ZFAND1: variants seen among roughly 807,000 people sequenced by gnomAD.
ZFAND1 encodes AN1-type zinc finger protein 1.
In ZFAND1, 40 loss-of-function variants were observed where a neutral mutation model predicts 38.5. The ratio of observed to expected loss-of-function variants is 1.04; its 90% CI spans 0.81 to 1.35. ZFAND1 has a LOEUF of 1.35. Among genes scored for constraint, ZFAND1 ranks in the 40% most tolerant of loss-of-function variants. ZFAND1 has a pLI of 0.00. For synonymous variants in ZFAND1, 117 were observed against 103.6 expected, an observed-to-expected ratio of 1.13 and a Z score of -0.78; for missense variants, 346 against 316.3, an observed-to-expected ratio of 1.09 and a Z score of -0.71.
intron 6 of ZFAND1, chr8:81,708,641 A>C (rs1160975705): frequency 1.8e-6 from 1 of 540,850 alleles, no homozygotes; most frequent in Admixed American, 6.3e-5. Context: ...AAATTAAAGC[A>C]ATTATGAAAT....
At position 81,714,995 on chromosome 8, in the gene ZFAND1, A is replaced by ATC; in HGVS notation, c.257_258insGA (p.Phe86LeufsTer4). ...CCTAAGTGATCAATCACCTCAGGCA[A>ATC]AAATTCTTCTCACAATAAGGACATA... On this transcript the variant is annotated frameshift_variant, in exon 4 of 8. Transcript: ENST00000220669. LOFTEE classifies it high-confidence loss of function. The ATC allele has an allele frequency of 6.2e-7, 1 of 1,614,084 alleles. No individual in the cohort carries two copies. Among genetic ancestry groups the ATC allele is most frequent in the Non-Finnish European group, 8.5e-7 (1 of 1,179,910 alleles).
chr8:81,719,155 G>A (rs1274465414), intron 1 of ZFAND1, among the ~76,000 whole-genome samples: 1 of 151,990 alleles, frequency 6.6e-6, no homozygotes, highest in Admixed American at 6.6e-5. Context: ...AACTTCTTTT[G>A]AGTATACTCA....
intron 6 of ZFAND1, among the ~76,000 whole-genome samples, chr8:81,713,091 A>T (rs546386486): frequency 6.6e-6 from 1 of 150,550 alleles, no homozygotes; most frequent in Non-Finnish European, 1.5e-5. Context: ...GATAGGTTCT[A>T]ACAATCTTTT....
intron 6 of ZFAND1, among the ~76,000 whole-genome samples, chr8:81,713,599 T>C (rs944015684): frequency 2.0e-5 from 3 of 152,064 alleles, no homozygotes. Context: ...ATGGTCACCA[T>C]AGACAGTTTA....
At chr8:81,714,750 A>C (rs546721258) in intron 5 of ZFAND1, 54 bp downstream of exon 5, 1 of 1,498,078 alleles carries the variant, frequency 6.7e-7, no homozygotes, top group East Asian at 2.3e-5. Flanking sequence ...TAGATATAAG[A>C]AGCAGGAGCT....
intron 6 of ZFAND1, among the ~76,000 whole-genome samples, chr8:81,708,248 C>CAAAAA (rs746812833): frequency 4.8e-5 from 3 of 62,916 alleles, no homozygotes; most frequent in African/African-American, 1.8e-4. Context: ...AAAGCTCCAT[C>CAAAAA]AAAAAAAAAA....
intron 6 of ZFAND1, 57 bp downstream of exon 6, chr8:81,713,861 A>G: frequency 6.4e-7 from 1 of 1,564,646 alleles, no homozygotes; most frequent in East Asian, 2.2e-5. Flanking sequence ...GAGGAATACA[A>G]AGAGGACTTC....
chr8:81,718,840 T>C (rs1808387603), intron 1 of ZFAND1, among the ~76,000 whole-genome samples: 1 of 151,472 alleles, frequency 6.6e-6, no homozygotes, highest in Non-Finnish European at 1.5e-5. Flanking sequence ...GTACAGTTAG[T>C]ATAAAGTATA....
intron 3 of ZFAND1, 149 bp from the exon 4 acceptor site, chr8:81,715,263 G>T: frequency 1.3e-6 from 1 of 798,002 alleles, no homozygotes. Context: ...AATGTTTTAT[G>T]TGACAAATGA....
In ZFAND1 at chr8:81,714,798, A is replaced by T. The variant is rs376192687; in HGVS notation, c.358+6T>A. On this transcript the variant is annotated splice_donor_region_variant and intron_variant, in intron 5 of 7. Transcript: ENST00000220669. The stretch of plus-strand genomic sequence containing the variant: ...AAGCAACAAAACACGCTTTCTAGAT[A>T]CTTACCAATAATGTCTTTAACAAGT... The T allele has an allele frequency of 3.1e-6, 5 of 1,613,486 alleles. No homozygotes were observed. The African/African-American group carries it at 6.7e-5, about 22-fold the overall frequency.
intron 3 of ZFAND1, among the ~76,000 whole-genome samples, chr8:81,716,254 T>C (rs1381974171): frequency 3.9e-5 from 6 of 152,186 alleles, no homozygotes; most frequent in African/African-American, 7.2e-5. Flanking sequence ...GGCTTAGCTT[T>C]CTCTCTTCCT....
At position 81,702,976 on chromosome 8, in the gene ZFAND1, G is replaced by T. The variant is rs200491535; in HGVS notation, c.629C>A (p.Thr210Lys). 6.6e-7 allele frequency: 1 copy of T among 1,512,808 alleles called. No individual in the cohort carries two copies. Among genetic ancestry groups the T allele is most frequent in the Non-Finnish European group, 8.9e-7 (1 of 1,128,896 alleles). The allele number at this position is 1,512,808 out of a possible 1,614,324, so 93.7% of individuals were successfully genotyped here. Residue 210 changes from threonine to lysine, a missense_variant, in exon 7 of 8, where the codon ACA becomes AAA. Transcript: ENST00000220669. ...ATTATAATGAGATGTTACCTTAGCTGTAAATTTGTTATTGTCATTTTTAAG... is the reference window on the plus strand; with the variant it reads ...ATTATAATGAGATGTTACCTTAGCTTTAAATTTGTTATTGTCATTTTTAAG... ...ARLKNDNNKFTAKKLRLCHIT... is the reference protein window; with the variant it reads ...ARLKNDNNKFKAKKLRLCHIT...
Position 81,702,407 on chromosome 8 carries a change from C to T in ZFAND1, c.*288G>A, listed in dbSNP as rs1807835604. 5.4e-6 allele frequency: 1 copy of T among 186,334 alleles called. No homozygotes were observed. Among genetic ancestry groups the T allele is most frequent in the Admixed American group, 6.1e-5 (1 of 16,268 alleles). The allele number at this position is 186,334 out of a possible 1,614,324, so 11.5% of individuals were successfully genotyped here. A position where few individuals can be genotyped will look rare whatever the true frequency, so the allele number is the denominator to read the frequency against. On this transcript the variant is annotated 3_prime_UTR_variant, in exon 8 of 8. Coordinates refer to ENST00000220669, the MANE Select transcript of ZFAND1 (RefSeq NM_024699.3). ...ACAAAGCAGTGTCACAGCCAATCAA[C>T]AGCTGACATCCCCCACCAGGAAATA...
chr8:81,716,337 C>A, intron 3 of ZFAND1, among the ~76,000 whole-genome samples: 1 of 152,168 alleles, frequency 6.6e-6, no homozygotes. Context: ...GGCAAGTCTG[C>A]CTAATTCTGG....
intron 3 of ZFAND1, among the ~76,000 whole-genome samples, chr8:81,715,557 C>T (rs181360367): frequency 8.6e-5 from 13 of 151,828 alleles, no homozygotes; most frequent in South Asian, 6.2e-4. Context: ...AGGTTAAAGA[C>T]GGTTTTCATA....
At position 81,701,394 on chromosome 8, in the gene ZFAND1, C is replaced by T. The variant is rs1440545708; in HGVS notation, c.*1301G>A. On this transcript the variant is annotated 3_prime_UTR_variant, in exon 8 of 8. Transcript: ENST00000220669. ...GTATATACATTTTTTAGACATAATG[C>T]TATTGCACATTAAATAGACTATAGT... The T allele has an allele frequency of 2.6e-5, 4 of 152,072 alleles. No homozygotes were observed. Among genetic ancestry groups the T allele is most frequent in the Admixed American group, 2.6e-4 (4 of 15,264 alleles). The allele number at this position is 152,072 out of a possible 1,614,324, so 9.4% of individuals were successfully genotyped here. A position where few individuals can be genotyped will look rare whatever the true frequency, so the allele number is the denominator to read the frequency against.
At chr8:81,702,943 G>C in intron 7 of ZFAND1, 26 bp downstream of exon 7, 2 of 1,487,508 alleles carry the variant, frequency 1.3e-6, no homozygotes, top group Non-Finnish European at 1.8e-6. Context: ...TATTAATATA[G>C]AAATATTATT....
chr8:81,706,924 TACA>T (rs1448462315), intron 6 of ZFAND1, among the ~76,000 whole-genome samples: 1 of 151,854 alleles, frequency 6.6e-6, no homozygotes, highest in African/African-American at 2.4e-5. Flanking sequence ...AAATAAGGAA[TACA>T]ATATAAAAGA....
At chr8:81,719,355 A>ACAC (rs1563611520) in intron 1 of ZFAND1, among the ~76,000 whole-genome samples, 10 of 149,998 alleles carry the variant, frequency 6.7e-5, no homozygotes, top group East Asian at 2.0e-4. Context: ...ACACACACAC[A>ACAC]AATTAGCTGG....
Sources: gnomAD v4.1 joint callset for allele counts (sites outside exome capture counted in the v4.1 genomes callset) on GRCh38, gnomAD v4.1.1 for gene constraint, MANE v1.5 for transcripts, NCBI Gene and HGNC (gene_info 2026-07-23, HGNC 2026-07-21) for gene names.